The following SLC15A5 variants were observed in gnomAD, a reference collection of about 807,000 sequenced individuals.
SLC15A5 encodes Peptide/histidine transporter ENSP00000340402.
Under a neutral mutation model 56.1 loss-of-function variants are expected in SLC15A5, and 58 were observed. The ratio of observed to expected loss-of-function variants is 1.03; its 90% CI spans 0.84 to 1.29. The LOEUF is 1.29. Among genes scored for constraint, SLC15A5 ranks in the 50% most tolerant of loss-of-function variants. The probability of loss-of-function intolerance (pLI) is 0.00; values close to 1 mark genes in which losing one functional copy is unlikely to be tolerated. For synonymous variants in SLC15A5, 264 were observed against 250.5 expected (o/e 1.05, Z -0.51); for missense variants, 681 against 672.1 (o/e 1.01, Z -0.15).
At chr12:16,240,822 A>ATT (rs201641348) in intron 4 of SLC15A5, among the ~76,000 whole-genome samples, 1 of 151,000 alleles carries the variant, frequency 6.6e-6, no homozygotes, top group African/African-American at 2.4e-5. Flanking sequence ...TTTTATTTTT[A>ATT]TTTTTTTTGA....
intron 3 of SLC15A5, among the ~76,000 whole-genome samples, 156 bp from the exon 4 acceptor site, chr12:16,244,956 C>A (rs1390239314): frequency 6.6e-6 from 1 of 152,288 alleles, no homozygotes; most frequent in South Asian, 2.1e-4. Flanking sequence ...ACGCTTCTGA[C>A]AGTGATTCTG....
rs1390058529 is a variant in SLC15A5, at chr12:16,196,752, T to C, written c.1484-2299A>G. On this transcript the variant is annotated intron_variant, in intron 7 of 8. Coordinates refer to ENST00000344941, the MANE Select transcript of SLC15A5 (RefSeq NM_001170798.1). This position sits in a 1 kb window ranked among gnomAD's most constrained non-coding sequence, Gnocchi z 4.0. ...TTGGAGCATGAATTCTGGTCCATAA[T>C]AAGTAATTGAAAAGACTATATTATA... 6.6e-6 allele frequency among the ~76,000 whole-genome samples: 1 copy of C among 152,126 alleles called. No individual in the cohort carries two copies. Among genetic ancestry groups the C allele is most frequent in the Non-Finnish European group, 1.5e-5 (1 of 68,016 alleles).
intron 6 of SLC15A5, among the ~76,000 whole-genome samples, chr12:16,222,322 G>A (rs1006376557): frequency 6.6e-6 from 1 of 151,240 alleles, no homozygotes; most frequent in African/African-American, 2.4e-5. Flanking sequence ...AGACCATAGA[G>A]CCTAACCTCT....
intron 1 of SLC15A5, among the ~76,000 whole-genome samples, chr12:16,273,736 ATT>A (rs34600919): frequency 1.6e-4 from 23 of 144,098 alleles, no homozygotes; most frequent in African/African-American, 2.3e-4. Flanking sequence ...AGTCAAATAA[ATT>A]TTTTTTTTTT....
intron 2 of SLC15A5, among the ~76,000 whole-genome samples, chr12:16,266,503 C>T (rs536952946): frequency 6.6e-6 from 1 of 152,090 alleles, no homozygotes. Flanking sequence ...ACATGAAGTA[C>T]TAAATGTATT....
chr12:16,214,259 T>A (rs938251209), intron 7 of SLC15A5, among the ~76,000 whole-genome samples: 2 of 152,268 alleles, frequency 1.3e-5, no homozygotes, highest in African/African-American at 4.8e-5. Context: ...AGTTGTGTGA[T>A]TAAAAAATTT....
intron 8 of SLC15A5, 55 bp from the exon 9 acceptor site, chr12:16,189,870 A>C: frequency 7.7e-7 from 1 of 1,301,004 alleles, no homozygotes; most frequent in Non-Finnish European, 1.0e-6. Context: ...TGAATTGATA[A>C]ATCATTTGCT....
intron 2 of SLC15A5, among the ~76,000 whole-genome samples, chr12:16,260,440 G>A (rs192216929): frequency 3.2e-4 from 48 of 151,986 alleles, no homozygotes; most frequent in African/African-American, 7.7e-4. Flanking sequence ...AAGTACTTGG[G>A]AGAAATAGGG....
chr12:16,204,748 G>T (rs993306786), intron 7 of SLC15A5, among the ~76,000 whole-genome samples: 3 of 151,966 alleles, frequency 2.0e-5, no homozygotes, highest in African/African-American at 7.3e-5. Context: ...AATATTTAAA[G>T]TTTAACCAAC....
intron 7 of SLC15A5, among the ~76,000 whole-genome samples, chr12:16,214,808 A>G (rs906146773): frequency 1.3e-5 from 2 of 152,252 alleles, no homozygotes; most frequent in African/African-American, 2.4e-5. Context: ...CTAGCAAATT[A>G]TCATACCTGA....
intron 4 of SLC15A5, 63 bp downstream of exon 4, chr12:16,244,517 C>G (rs1441103291): frequency 8.4e-6 from 12 of 1,426,840 alleles, no homozygotes; most frequent in Non-Finnish European, 1.1e-5. Flanking sequence ...TTCACCTTGA[C>G]TTGCACTGTT....
intron 7 of SLC15A5, among the ~76,000 whole-genome samples, chr12:16,208,275 C>G (rs1864040815): frequency 6.6e-6 from 1 of 152,202 alleles, no homozygotes; most frequent in Non-Finnish European, 1.5e-5. Flanking sequence ...ACATTCCTTT[C>G]TTCAGGGCAT....
chr12:16,216,665 A>C (rs1288409544), intron 7 of SLC15A5, among the ~76,000 whole-genome samples: 1 of 152,208 alleles, frequency 6.6e-6, no homozygotes, highest in Non-Finnish European at 1.5e-5. Flanking sequence ...AAATACACTA[A>C]GGACAGCATG....
chr12:16,199,672 T>G (rs977667244), intron 7 of SLC15A5, among the ~76,000 whole-genome samples: 2 of 152,244 alleles, frequency 1.3e-5, no homozygotes, highest in East Asian at 1.9e-4. Context: ...TTACCTTGAT[T>G]TGACTATATA....
At chr12:16,195,532 A>C (rs1565654977) in intron 7 of SLC15A5, among the ~76,000 whole-genome samples, 2 of 152,060 alleles carry the variant, frequency 1.3e-5, no homozygotes, top group Non-Finnish European at 1.5e-5. Flanking sequence ...TGAGAACATG[A>C]AATTATCATC....
chr12:16,189,283 A>G lies in SLC15A5; in HGVS notation c.*385T>C, dbSNP rs921474598. On this transcript the variant is annotated 3_prime_UTR_variant, in exon 9 of 9. Coordinates refer to ENST00000344941, the MANE Select transcript of SLC15A5 (RefSeq NM_001170798.1). Reference sequence around the variant, plus strand: ...ATAAGGGATCACTAAGTGTATTGAAAGAGAGTATATTAAAATACTGTCATT... The same window carrying G: ...ATAAGGGATCACTAAGTGTATTGAAGGAGAGTATATTAAAATACTGTCATT... 3.2e-5 allele frequency: 5 copies of G among 154,502 alleles called. No individual in the cohort carries two copies. In the East Asian group the frequency reaches 9.5e-4, roughly 29 times the overall value. The allele number at this position is 154,502 out of a possible 1,614,324, so 9.6% of individuals were successfully genotyped here.
chr12:16,192,927 T>A (rs574893728), intron 8 of SLC15A5, among the ~76,000 whole-genome samples: 2 of 152,252 alleles, frequency 1.3e-5, no homozygotes, highest in Non-Finnish European at 2.9e-5. Flanking sequence ...TTAGCAAGGT[T>A]AAACAGCTTG....
intron 2 of SLC15A5, among the ~76,000 whole-genome samples, chr12:16,262,320 C>G (rs1190832604): frequency 1.3e-5 from 2 of 152,108 alleles, no homozygotes; most frequent in African/African-American, 4.8e-5. Flanking sequence ...CCTCTCATTC[C>G]TCTCATTCCT....
At position 16,188,826 on chromosome 12, in the gene SLC15A5, T is replaced by A. The variant is rs967965499; in HGVS notation, c.*842A>T. 4 of 152,232 alleles carry A rather than the reference T, an allele frequency of 2.6e-5. No homozygotes were observed. Among genetic ancestry groups the A allele is most frequent in the East Asian group, 1.9e-4 (1 of 5,202 alleles). The allele number at this position is 152,232 out of a possible 1,614,324, so 9.4% of individuals were successfully genotyped here. ...CAGACTTTAATTTTATTTGATTTTT[T>A]AAAAAATGAGTTTCCACATATTTTT... On this transcript the variant is annotated 3_prime_UTR_variant, in exon 9 of 9. Coordinates refer to ENST00000344941, the MANE Select transcript of SLC15A5 (RefSeq NM_001170798.1).
Sources: allele counts gnomAD v4.1 joint callset (sites outside exome capture counted in the v4.1 genomes callset), GRCh38; gene constraint gnomAD v4.1.1; non-coding constraint Gnocchi (gnomAD v3.1); transcripts MANE v1.5; gene names NCBI Gene and HGNC (gene_info 2026-07-23, HGNC 2026-07-21).